The following NAV3 variants were observed in gnomAD, a reference collection of about 807,000 sequenced individuals.
NAV3 encodes the protein neuron navigator 3, also known as pore membrane and/or filament interacting like protein 1.
In NAV3, 87 loss-of-function variants were observed where a neutral mutation model predicts 244.7. That is an observed-to-expected ratio of 0.36 (90% CI 0.30 to 0.42). The LOEUF is 0.42. Among genes scored for constraint, NAV3 ranks in the 20% least tolerant of loss-of-function variants. The pLI, the probability that NAV3 is intolerant of heterozygous loss-of-function variation, is 1.00. For missense variants in NAV3, 2,663 were observed against 2,893.3 expected, an observed-to-expected ratio of 0.92 and a Z score of 1.83; for synonymous variants, 1,126 against 1,042.2, an observed-to-expected ratio of 1.08 and a Z score of -1.55.
chr12:78,135,310 T>C (rs941651434), intron 18 of NAV3, among the ~76,000 whole-genome samples: 7 of 152,228 alleles, frequency 4.6e-5, no homozygotes, highest in Admixed American at 4.6e-4. Flanking sequence ...CTGTCATAGT[T>C]ATTAACTTAA....
At chr12:77,961,671 CATGTAATAT>C (rs1220597767) in intron 3 of NAV3, among the ~76,000 whole-genome samples, 20 of 137,630 alleles carry the variant, frequency 1.5e-4, no homozygotes, top group African/African-American at 4.6e-4. Context: ...ATATTACATA[CATGTAATAT>C]ATGTAATATA....
chr12:77,919,098 G>A (rs1887456373), intron 1 of NAV3, among the ~76,000 whole-genome samples: 1 of 152,024 alleles, frequency 6.6e-6, no homozygotes, highest in Admixed American at 6.6e-5. Context: ...CAAGATAGAG[G>A]AAGAATTAGA....
Position 78,119,540 on chromosome 12 carries a change from A to G in NAV3, c.3344A>G (p.Asp1115Gly), listed in dbSNP as rs2138617048. ...KSNAGRKTSL[D>G]GSQNQDDVVL... ...AATGCAGGGAGAAAAACCAGTTTGG[A>G]CGGTTCACAGAATCAGGATGATGTT... is the stretch of plus-strand genomic sequence containing the variant. The change falls in exon 15 of 40, where the codon GAC becomes GGC. Residue 1115 changes from aspartate to glycine, a missense_variant. Asp to Gly is a moderately conservative substitution (Grantham distance 94). Around this residue, in one of 6 missense-constraint regions of NAV3, gnomAD observed 1,521 missense variants for 1,497.0 expected, o/e 1.02. Transcript: ENST00000397909. 1 of 1,614,172 alleles carries G rather than the reference A, an allele frequency of 6.2e-7. No individual in the cohort carries two copies. Among genetic ancestry groups the G allele is most frequent in the Non-Finnish European group, 8.5e-7 (1 of 1,180,022 alleles).
chr12:77,863,226 A>ATAGATG (rs1379114316), intron 1 of NAV3, among the ~76,000 whole-genome samples: 25 of 151,936 alleles, frequency 1.6e-4, no homozygotes, highest in African/African-American at 5.8e-4. Flanking sequence ...TGCCATAGAT[A>ATAGATG]TGCGGATCAG....
At chr12:77,984,835 G>A (rs760641050) in intron 5 of NAV3, among the ~76,000 whole-genome samples, 18 of 147,160 alleles carry the variant, frequency 1.2e-4, no homozygotes, top group Non-Finnish European at 1.6e-4. Flanking sequence ...TTTTTTTTTC[G>A]AGACGGAGTC....
At chr12:77,965,242 T>C (rs535212106) in intron 3 of NAV3, among the ~76,000 whole-genome samples, 6 of 152,312 alleles carry the variant, frequency 3.9e-5, no homozygotes, top group African/African-American at 1.4e-4. Flanking sequence ...CTATATAATG[T>C]CATGATCAAA....
intron 1 of NAV3, among the ~76,000 whole-genome samples, chr12:77,839,734 G>T (rs1479361785): frequency 6.6e-6 from 1 of 152,186 alleles, no homozygotes; most frequent in African/African-American, 2.4e-5. Flanking sequence ...AATAGAGGAA[G>T]CAGTGATTAA....
chr12:78,208,598 G>A (rs917267898), intron 39 of NAV3, among the ~76,000 whole-genome samples: 4 of 151,986 alleles, frequency 2.6e-5, no homozygotes, highest in Non-Finnish European at 5.9e-5. Context: ...TAAATCCCAC[G>A]TATACATTTA....
chr12:77,889,462 C>A (rs1480497846), intron 1 of NAV3, among the ~76,000 whole-genome samples: 2 of 152,086 alleles, frequency 1.3e-5, no homozygotes, highest in Non-Finnish European at 2.9e-5. Context: ...CTCTCGCAAA[C>A]CATGAGTAAT....
At chr12:77,906,195 G>A (rs769748462) in intron 1 of NAV3, among the ~76,000 whole-genome samples, 2 of 152,036 alleles carry the variant, frequency 1.3e-5, no homozygotes, top group Non-Finnish European at 2.9e-5. Context: ...GGGAAAAGCA[G>A]GGTTGAAATA....
chr12:78,201,536 T>G (rs1205029829), intron 38 of NAV3, among the ~76,000 whole-genome samples: 1 of 152,056 alleles, frequency 6.6e-6, no homozygotes, highest in African/African-American at 2.4e-5. Flanking sequence ...CCAAGGCCCT[T>G]CTATTTTTTC....
intron 2 of NAV3, among the ~76,000 whole-genome samples, chr12:77,600,959 AATG>A (rs1389777882): frequency 6.6e-6 from 1 of 151,988 alleles, no homozygotes; most frequent in Non-Finnish European, 1.5e-5. Context: ...TGTATTAGAT[AATG>A]ATGAAAGAAG....
chr12:77,983,514 T>C (rs934555973), intron 5 of NAV3, among the ~76,000 whole-genome samples: 4 of 152,160 alleles, frequency 2.6e-5, no homozygotes, highest in African/African-American at 9.7e-5. Context: ...AGGTTTAAGA[T>C]TTTAATGGAA....
At chr12:78,180,295 AT>A (rs1214075994) in intron 29 of NAV3, among the ~76,000 whole-genome samples, 1 of 152,128 alleles carries the variant, frequency 6.6e-6, no homozygotes, top group African/African-American at 2.4e-5. Flanking sequence ...AGAAAAGCTC[AT>A]TGCTGAGCAG....
chr12:77,724,418 G>A (rs887919649), intron 2 of NAV3, among the ~76,000 whole-genome samples: 5 of 151,836 alleles, frequency 3.3e-5, no homozygotes, highest in African/African-American at 1.2e-4. Context: ...ATATATAACT[G>A]GAGGAACAAA....
intron 8 of NAV3, among the ~76,000 whole-genome samples, chr12:78,017,139 A>G (rs900045829): frequency 2.0e-5 from 3 of 152,130 alleles, no homozygotes; most frequent in Non-Finnish European, 4.4e-5. Context: ...CCTACATTGC[A>G]AGATTATTGT....
intron 1 of NAV3, among the ~76,000 whole-genome samples, chr12:77,832,582 G>A (rs1286295594): frequency 6.6e-6 from 1 of 152,122 alleles, no homozygotes; most frequent in East Asian, 1.9e-4. Flanking sequence ...TCATATCAGG[G>A]TAAATGGAGT....
At chr12:78,107,680 G>A (rs568942648) in intron 12 of NAV3, among the ~76,000 whole-genome samples, 35 of 151,948 alleles carry the variant, frequency 2.3e-4, no homozygotes, top group African/African-American at 8.2e-4. Flanking sequence ...AGAAATAAAA[G>A]GTTTCCCAGA....
At chr12:78,154,149 T>C (rs1957184174) in intron 22 of NAV3, among the ~76,000 whole-genome samples, 1 of 137,946 alleles carries the variant, frequency 7.2e-6, no homozygotes, top group African/African-American at 2.7e-5. Flanking sequence ...TGTATATATG[T>C]ATATATATAT....
Sources: allele counts gnomAD v4.1 joint callset (sites outside exome capture counted in the v4.1 genomes callset), GRCh38; gene constraint gnomAD v4.1.1; regional missense constraint gnomAD v4.1.1; transcripts MANE v1.5; gene names NCBI Gene and HGNC (gene_info 2026-07-23, HGNC 2026-07-21).